Variants in FYB2 observed in about 807,000 individuals in gnomAD.
FYB2 encodes FYN-binding protein 2.
Under a neutral mutation model 94.1 loss-of-function variants are expected in FYB2, and 103 were observed. That is an observed-to-expected ratio of 1.09 (90% confidence interval 0.93 to 1.29). FYB2 has a LOEUF of 1.29. Among genes scored for constraint, FYB2 ranks in the 50% most tolerant of loss-of-function variants. FYB2 has a pLI of 0.00. For missense variants in FYB2, 896 were observed against 841.5 expected (o/e 1.06, Z -0.80); for synonymous variants, 293 against 287.9 (o/e 1.02, Z -0.18).
At position 56,753,942 on chromosome 1, in the gene FYB2, T is replaced by A; in HGVS notation, c.1131-7A>T. On this transcript the variant is annotated splice_region_variant and splice_polypyrimidine_tract_variant and intron_variant, in intron 7 of 19. Transcript: ENST00000343433. ...TTTATCTTCATGTTTAGCACTGAAA[T>A]GTGAAGAGATACCAGGAAAAAAATG... 1.3e-6 allele frequency: 2 copies of A among 1,529,270 alleles called. No individual in the cohort carries two copies. Among genetic ancestry groups the A allele is most frequent in the African/African-American group, 3.7e-5 (2 of 53,966 alleles). The allele number at this position is 1,529,270 out of a possible 1,614,324, so 94.7% of individuals were successfully genotyped here.
intron 1 of FYB2, among the ~76,000 whole-genome samples, chr1:56,802,270 A>G (rs1646539781): frequency 1.3e-5 from 2 of 152,182 alleles, no homozygotes; most frequent in African/African-American, 4.8e-5. Context: ...ATCTTTTTCA[A>G]TACAAGGACT....
At chr1:56,796,437 C>T (rs1449959593) in intron 1 of FYB2, among the ~76,000 whole-genome samples, 1 of 152,124 alleles carries the variant, frequency 6.6e-6, no homozygotes, top group African/African-American at 2.4e-5. Flanking sequence ...AGCCCGTGAG[C>T]ACCTCCCTTC....
chr1:56,742,855 T>C (rs569479293), intron 11 of FYB2, among the ~76,000 whole-genome samples: 47 of 152,224 alleles, frequency 3.1e-4, no homozygotes, highest in Admixed American at 5.9e-4. Context: ...AAGGTTGTTT[T>C]TCCCTCTAAA....
At chr1:56,746,566 G>A (rs1645072214) in intron 9 of FYB2, among the ~76,000 whole-genome samples, 1 of 151,852 alleles carries the variant, frequency 6.6e-6, no homozygotes, top group Admixed American at 6.6e-5. Flanking sequence ...TGCACTCTAT[G>A]GTGTCACCTA....
chr1:56,723,010 C>G (rs1030189955), intron 17 of FYB2, among the ~76,000 whole-genome samples: 2 of 151,966 alleles, frequency 1.3e-5, no homozygotes, highest in Non-Finnish European at 2.9e-5. Context: ...CTCTTAATAA[C>G]AGAATAAGAA....
chr1:56,728,240 C>T (rs1557583743), intron 15 of FYB2, among the ~76,000 whole-genome samples: 1 of 152,100 alleles, frequency 6.6e-6, no homozygotes, highest in Non-Finnish European at 1.5e-5. Flanking sequence ...TGCTCCCAGT[C>T]TTCACCTGTC....
At chr1:56,826,222 A>G in the FYB2 span, among the ~76,000 whole-genome samples, 1 of 152,056 alleles carries the variant, frequency 6.6e-6, no homozygotes, top group Non-Finnish European at 1.5e-5. Context: ...TGGGAGGGGT[A>G]CCCCCTGCCT....
chr1:56,760,704 G>A (rs1480875568), intron 5 of FYB2, among the ~76,000 whole-genome samples: 1 of 152,092 alleles, frequency 6.6e-6, no homozygotes, highest in African/African-American at 2.4e-5. Flanking sequence ...TACTTATTCT[G>A]TCTTAGAAAT....
At chr1:56,809,079 A>G (rs772391890) in intron 1 of FYB2, among the ~76,000 whole-genome samples, 2 of 152,210 alleles carry the variant, frequency 1.3e-5, no homozygotes, top group Non-Finnish European at 1.5e-5. Context: ...GACCATTCAC[A>G]TTGGCCACCA....
At chr1:56,725,542 A>G (rs1483929372) in intron 16 of FYB2, among the ~76,000 whole-genome samples, 1 of 152,094 alleles carries the variant, frequency 6.6e-6, no homozygotes, top group African/African-American at 2.4e-5. Context: ...GGGGCAGATC[A>G]AAAATGTTAC....
Position 56,751,109 on chromosome 1 carries a change from A to G in FYB2, c.1322T>C (p.Ile441Thr), listed in dbSNP as rs768956612. ...GCAGGGATTTGTCTGGATGATGTCA[A>G]TCATGGCCTCTTGCTTTCCAGCCAA... ...NMLAGKQEAMIDIIQTNPCPE... is the reference protein window; with the variant it reads ...NMLAGKQEAMTDIIQTNPCPE... The change falls in exon 9 of 20, where the codon ATT becomes ACT. Residue 441 changes from isoleucine to threonine, a missense_variant. Physicochemically the swap from Ile to Thr is moderately conservative, Grantham distance 89 (BLOSUM62 -1). Coordinates refer to ENST00000343433, the MANE Select transcript of FYB2 (RefSeq NM_001004303.5). 1.9e-6 allele frequency: 3 copies of G among 1,612,806 alleles called. No homozygotes were observed. The highest frequency in any genetic ancestry group is 2.7e-5 in the African/African-American group (2 of 74,800).
intron 5 of FYB2, among the ~76,000 whole-genome samples, chr1:56,763,433 G>C (rs1422083121): frequency 1.3e-5 from 2 of 152,140 alleles, no homozygotes; most frequent in African/African-American, 4.8e-5. Context: ...TTTTTCTTGA[G>C]AGTTACAGGG....
At chr1:56,758,608 G>A (rs954481790) in intron 6 of FYB2, 108 bp downstream of exon 6, 5 of 887,162 alleles carry the variant, frequency 5.6e-6, no homozygotes, top group African/African-American at 5.3e-5. Context: ...GAAATAGGAG[G>A]AAAAATGAAA....
At chr1:56,754,366 G>T (rs1645276051) in intron 7 of FYB2, among the ~76,000 whole-genome samples, 1 of 151,846 alleles carries the variant, frequency 6.6e-6, no homozygotes, top group African/African-American at 2.4e-5. Flanking sequence ...TTATACTGCT[G>T]GTAAATACAA....
chr1:56,820,485 C>A (rs565571639), upstream of FYB2, among the ~76,000 whole-genome samples: 1 of 152,330 alleles, frequency 6.6e-6, no homozygotes, highest in African/African-American at 2.4e-5. Flanking sequence ...GGCCTGCGCC[C>A]TGCTTTATGT....
chr1:56,768,907 C>A lies in FYB2; in HGVS notation c.954-969G>T, dbSNP rs1016121595. ...AACAAGAGACTGAGGGAAAAGAATG[C>A]CCTATAGATTTGGAGAAAGGAGTTA... On this transcript the variant is annotated intron_variant, in intron 4 of 19. Coordinates refer to ENST00000343433, the MANE Select transcript of FYB2 (RefSeq NM_001004303.5). Among the ~76,000 whole-genome samples the A allele has an allele frequency of 5.3e-5, 8 of 151,956 alleles. No individual in the cohort carries two copies. The South Asian group carries it at 1.7e-3, about 32-fold the overall frequency.
In FYB2 at chr1:56,808,943, TA is replaced by T. The variant is rs368829965; in HGVS notation, c.9+10338del. 2.4e-3 allele frequency among the ~76,000 whole-genome samples: 360 copies of T among 152,338 alleles called. 3 individuals are homozygous for T. The highest frequency in any genetic ancestry group is 8.2e-3 in the African/African-American group (341 of 41,588). On this transcript the variant is annotated intron_variant, in intron 1 of 19. Transcript: ENST00000343433. ...TTAATCAATAAATATTAATCCTCTA[TA>T]TTAGATGTGAACCCAAGCTACCAAG...
At chr1:56,728,664 T>G (rs1644637313) in intron 15 of FYB2, among the ~76,000 whole-genome samples, 1 of 152,152 alleles carries the variant, frequency 6.6e-6, no homozygotes, top group Admixed American at 6.6e-5. Context: ...AGAACTATTC[T>G]TTTCTTCTTA....
At chr1:56,743,136 T>C (rs1001849472) in intron 11 of FYB2, among the ~76,000 whole-genome samples, 14 of 152,178 alleles carry the variant, frequency 9.2e-5, no homozygotes, top group Non-Finnish European at 1.2e-4. Flanking sequence ...CTATAATCAC[T>C]GTTGTACTAT....
Sources: gnomAD v4.1 joint callset for allele counts (sites outside exome capture counted in the v4.1 genomes callset) on GRCh38, gnomAD v4.1.1 for gene constraint, MANE v1.5 for transcripts, NCBI Gene and HGNC (gene_info 2026-07-23, HGNC 2026-07-21) for gene names.